The following PDE8B variants were observed in gnomAD, a reference collection of about 807,000 sequenced individuals.
PDE8B encodes high affinity cAMP-specific and IBMX-insensitive 3',5'-cyclic phosphodiesterase 8B.
Under a neutral mutation model 101.3 loss-of-function variants are expected in PDE8B, and 26 were observed. That is an observed-to-expected ratio of 0.26 (90% CI 0.19 to 0.36). The LOEUF is 0.36. Ranked by LOEUF, PDE8B falls within the 10% of genes least tolerant of loss-of-function variation. The probability of loss-of-function intolerance (pLI) is 1.00; values close to 1 mark genes in which losing one functional copy is unlikely to be tolerated. For missense variants in PDE8B, 810 were observed against 1,163.1 expected, an observed-to-expected ratio of 0.70 and a Z score of 4.42; for synonymous variants, 424 against 429.3, an observed-to-expected ratio of 0.99 and a Z score of 0.15.
intron 1 of PDE8B, among the ~76,000 whole-genome samples, chr5:77,308,243 T>C (rs888094674): frequency 1.3e-5 from 2 of 152,122 alleles, no homozygotes; most frequent in African/African-American, 4.8e-5. Flanking sequence ...CAAGGCCAGA[T>C]GACTTGGAGC....
the PDE8B span, among the ~76,000 whole-genome samples, chr5:77,132,013 T>A: frequency 6.6e-6 from 1 of 152,206 alleles, no homozygotes; most frequent in Non-Finnish European, 1.5e-5. Context: ...ATTATTTTGA[T>A]GCCTACAACT....
chr5:77,414,050 A>G (rs2151114292), intron 17 of PDE8B, among the ~76,000 whole-genome samples: 1 of 152,328 alleles, frequency 6.6e-6, no homozygotes, highest in African/African-American at 2.4e-5. Context: ...GAGAAGTGCC[A>G]TATGGGGATT....
chr5:77,213,313 T>C (rs1339966144), intron 1 of PDE8B, among the ~76,000 whole-genome samples: 1 of 152,248 alleles, frequency 6.6e-6, no homozygotes, highest in East Asian at 1.9e-4. Context: ...CCCTGGTTCA[T>C]TGACTTAACA....
intron 1 of PDE8B, among the ~76,000 whole-genome samples, chr5:77,260,680 C>T (rs574276953): frequency 2.7e-5 from 4 of 150,862 alleles, no homozygotes; most frequent in African/African-American, 4.9e-5. Flanking sequence ...CTCTGCCTCC[C>T]GGGTTCAGTC....
intron 10 of PDE8B, among the ~76,000 whole-genome samples, chr5:77,398,873 T>C (rs955279595): frequency 7.9e-5 from 12 of 152,220 alleles, no homozygotes; most frequent in African/African-American, 2.9e-4. Flanking sequence ...TTTTGGTCTC[T>C]CAGCTCCTGG....
At chr5:77,289,090 T>C (rs1766706349) in intron 1 of PDE8B, among the ~76,000 whole-genome samples, 3 of 152,188 alleles carry the variant, frequency 2.0e-5, no homozygotes, top group Admixed American at 2.0e-4. Flanking sequence ...AATAGACACG[T>C]CCACACTGAG....
At chr5:77,298,176 A>G (rs914516648) in intron 1 of PDE8B, among the ~76,000 whole-genome samples, 1 of 152,166 alleles carries the variant, frequency 6.6e-6, no homozygotes, top group Non-Finnish European at 1.5e-5. Context: ...CCTGCCTCCC[A>G]TCATAAGGAA....
At chr5:77,286,706 A>T (rs956955514) in intron 1 of PDE8B, among the ~76,000 whole-genome samples, 1 of 152,124 alleles carries the variant, frequency 6.6e-6, no homozygotes, top group African/African-American at 2.4e-5. Flanking sequence ...TTAGTCATGT[A>T]TTTGCATTTA....
chr5:77,411,518 T>G (rs1302698060), intron 14 of PDE8B, among the ~76,000 whole-genome samples, 158 bp from the exon 15 acceptor site: 1 of 152,198 alleles, frequency 6.6e-6, no homozygotes, highest in African/African-American at 2.4e-5. Context: ...TCATCTGTCT[T>G]ATAACTGTTG....
chr5:77,110,548 C>T, the PDE8B span, among the ~76,000 whole-genome samples: 3 of 152,184 alleles, frequency 2.0e-5, no homozygotes, highest in Non-Finnish European at 4.4e-5. Flanking sequence ...GGGTAATCTG[C>T]ATCCCCAATT....
At chr5:77,426,403 C>T in intron 21 of PDE8B, 42 bp from the exon 22 acceptor site, 1 of 1,342,454 alleles carries the variant, frequency 7.4e-7, no homozygotes, top group Non-Finnish European at 1.1e-6. Context: ...CTCCTGGGGT[C>T]TAAGTTCACC....
intron 1 of PDE8B, among the ~76,000 whole-genome samples, chr5:77,260,236 A>G (rs985739539): frequency 2.0e-5 from 3 of 152,106 alleles, no homozygotes; most frequent in African/African-American, 7.2e-5. Flanking sequence ...GAAATAAAAA[A>G]CACCAGCTAA....
At chr5:77,311,520 A>C (rs987625598) in intron 1 of PDE8B, among the ~76,000 whole-genome samples, 4 of 152,228 alleles carry the variant, frequency 2.6e-5, no homozygotes, top group African/African-American at 9.7e-5. Context: ...CCAAGATCTA[A>C]ATATAGGAAA....
chr5:77,279,629 G>A (rs1374052803), intron 1 of PDE8B, among the ~76,000 whole-genome samples: 1 of 152,186 alleles, frequency 6.6e-6, no homozygotes, highest in Non-Finnish European at 1.5e-5. Context: ...CTATGATGCA[G>A]GTATTAGTAT....
intron 3 of PDE8B, 127 bp downstream of exon 3, chr5:77,325,856 A>G (rs1340312964): frequency 2.8e-6 from 2 of 708,520 alleles, no homozygotes; most frequent in Admixed American, 2.2e-5. Flanking sequence ...TAAGCAGTGT[A>G]TACAGATGTC....
At position 77,211,105 on chromosome 5, in the gene PDE8B, A is replaced by T; in HGVS notation, c.180A>T (p.Gly60=). ...CCATCCCCCCGAGCCGCGCGTCGGG[A>T]CCCCCCAGCGTAGCCCGCGTCCGCA... ...ADAIPPSRAS[G]PPSVARVRRA... Residue 60 remains glycine, a synonymous_variant, in exon 1 of 22, where the codon GGA becomes GGT. Coordinates refer to ENST00000264917, the MANE Select transcript of PDE8B (RefSeq NM_003719.5). The surrounding 1 kb of genome is among the most constrained non-coding windows in gnomAD (Gnocchi z 4.1). 6.7e-7 allele frequency: 1 copy of T among 1,491,320 alleles called. No homozygotes were observed. The highest frequency in any genetic ancestry group is 8.9e-7 in the Non-Finnish European group (1 of 1,127,528). 92.4% of individuals were successfully genotyped at this position (1,491,320 alleles called of 1,614,324 possible). A position where few individuals can be genotyped will look rare whatever the true frequency, so the allele number is the denominator to read the frequency against.
At position 77,426,455 on chromosome 5, in the gene PDE8B, T is replaced by G. The variant is rs370775538; in HGVS notation, c.2559T>G (p.His853Gln). 71 of 1,609,950 alleles carry G rather than the reference T, an allele frequency of 4.4e-5. No individual in the cohort carries two copies. Among genetic ancestry groups the G allele is most frequent in the Non-Finnish European group, 5.7e-5 (67 of 1,176,386 alleles). Residue 853 changes from histidine to glutamine, a missense_variant, in exon 22 of 22, where the codon CAT becomes CAG. Transcript: ENST00000264917. ...DMFDAWDAFAHLPALMQHLAD... is the reference protein window; with the variant it reads ...DMFDAWDAFAQLPALMQHLAD... ...TTTCTGTCTTTGCAGCCTTTGCACATCTGCCAGCCCTGATGCAACATTTGG... is the reference window on the plus strand; with the variant it reads ...TTTCTGTCTTTGCAGCCTTTGCACAGCTGCCAGCCCTGATGCAACATTTGG...
In PDE8B at chr5:77,267,547, T is replaced by C. The variant is rs1173880240; in HGVS notation, c.340-44447T>C. Among the ~76,000 whole-genome samples, 9 of 152,258 alleles carry C rather than the reference T, an allele frequency of 5.9e-5. No homozygotes were observed. In the East Asian group the frequency reaches 1.7e-3, roughly 29 times the overall value. On this transcript the variant is annotated intron_variant, in intron 1 of 21. Coordinates refer to ENST00000264917, the MANE Select transcript of PDE8B (RefSeq NM_003719.5). Reference sequence around the variant, plus strand: ...CTCCCTCCCTGTGCTGGAAGGGGGCTGTTGTGAGTGCCCCACCCTTGCAGA... The same window carrying C: ...CTCCCTCCCTGTGCTGGAAGGGGGCCGTTGTGAGTGCCCCACCCTTGCAGA...
the PDE8B span, among the ~76,000 whole-genome samples, chr5:77,159,351 A>G: frequency 6.6e-6 from 1 of 152,206 alleles, no homozygotes; most frequent in Non-Finnish European, 1.5e-5. Flanking sequence ...GGTGGGCACA[A>G]TCTAATCAGC....
Sources: allele counts gnomAD v4.1 joint callset (sites outside exome capture counted in the v4.1 genomes callset), GRCh38; gene constraint gnomAD v4.1.1; non-coding constraint Gnocchi (gnomAD v3.1); transcripts MANE v1.5; gene names NCBI Gene and HGNC (gene_info 2026-07-23, HGNC 2026-07-21).